PLPP3: variants seen among roughly 807,000 people sequenced by gnomAD.
PLPP3 encodes phospholipid phosphatase 3, also known as PAP2 beta.
A neutral mutation model predicts 29.6 loss-of-function variants in PLPP3; 6 were observed. That is an observed-to-expected ratio of 0.20 (90% CI 0.11 to 0.40). The LOEUF (loss-of-function observed/expected upper bound fraction) is 0.40. Ranked by LOEUF, PLPP3 falls within the 10% of genes least tolerant of loss-of-function variation. The pLI, the probability that PLPP3 is intolerant of heterozygous loss-of-function variation, is 1.00. For missense variants in PLPP3, 308 were observed against 407.7 expected, an observed-to-expected ratio of 0.76 and a Z score of 2.11; for synonymous variants, 152 against 159.7, an observed-to-expected ratio of 0.95 and a Z score of 0.36.
At position 56,555,683 on chromosome 1, in the gene PLPP3, A is replaced by AT. The variant is rs914264689; in HGVS notation, c.140-18572dup. On this transcript the variant is annotated intron_variant, in intron 1 of 5. Coordinates refer to ENST00000371250, the MANE Select transcript of PLPP3 (RefSeq NM_003713.5). Reference sequence around the variant, plus strand: ...GCCATCATGCTTGGCTAATTTCTTAATTTTTTGTAGAAACAAGGTCTTGCT... The same window carrying AT: ...GCCATCATGCTTGGCTAATTTCTTAATTTTTTTGTAGAAACAAGGTCTTGCT... Among the ~76,000 whole-genome samples the AT allele has an allele frequency of 2.0e-4, 30 of 152,110 alleles. No homozygotes were observed. The South Asian group carries it at 2.5e-3, about 13-fold the overall frequency.
chr1:56,540,562 T>C (rs1023705218), intron 1 of PLPP3, among the ~76,000 whole-genome samples: 2 of 151,716 alleles, frequency 1.3e-5, no homozygotes, highest in Non-Finnish European at 2.9e-5. Flanking sequence ...TTGGGGAGGG[T>C]TTCCGGTTCT....
At position 56,557,151 on chromosome 1, in the gene PLPP3, G is replaced by A. The variant is rs139123937; in HGVS notation, c.140-20039C>T. ...TCCCAACACTTTGGGAGGCCGAGGC[G>A]GGTGGATCATGAGGTCAAGAGATCA... On this transcript the variant is annotated intron_variant, in intron 1 of 5. Transcript: ENST00000371250. Among the ~76,000 whole-genome samples the A allele has an allele frequency of 9.7e-3, 1,460 of 150,090 alleles. 36 individuals carry two copies. Among genetic ancestry groups the A allele is most frequent in the African/African-American group, 0.033 (1,316 of 40,088 alleles).
rs142279992 is a variant in PLPP3, at chr1:56,505,304, G to T, written c.810+6672C>A. ...TCCCAACCTCATGGGATTGGAAAAG[G>T]TGGCTGAGAGGTGAAGTGACTTGCC... On this transcript the variant is annotated intron_variant, in intron 5 of 5. Coordinates refer to ENST00000371250, the MANE Select transcript of PLPP3 (RefSeq NM_003713.5). Among the ~76,000 whole-genome samples, 501 of 152,330 alleles carry T rather than the reference G, an allele frequency of 3.3e-3. 5 individuals carry two copies. Among genetic ancestry groups the T allele is most frequent in the Admixed American group, 3.1e-3 (48 of 15,304 alleles).
At chr1:56,573,536 A>C (rs1646214807) in intron 1 of PLPP3, among the ~76,000 whole-genome samples, 2 of 152,236 alleles carry the variant, frequency 1.3e-5, no homozygotes, top group Non-Finnish European at 2.9e-5. Context: ...GCCTGATAAG[A>C]ATCACCGGCA....
Position 56,495,664 on chromosome 1 carries a change from C to A in PLPP3, c.*887G>T, listed in dbSNP as rs1001022161. On this transcript the variant is annotated 3_prime_UTR_variant, in exon 6 of 6. Coordinates refer to ENST00000371250, the MANE Select transcript of PLPP3 (RefSeq NM_003713.5). ...CTGCTTTCCGTCAGCTGGTGGCAGA[C>A]CATGCCTTGCTCATTCCTGGGCCCT... The A allele has an allele frequency of 1.3e-5, 2 of 152,684 alleles. No homozygotes were observed. The highest frequency in any genetic ancestry group is 4.8e-5 in the African/African-American group (2 of 41,474). The allele number at this position is 152,684 out of a possible 1,614,324, so 9.5% of individuals were successfully genotyped here.
At chr1:56,540,367 A>G (rs1297458413) in intron 1 of PLPP3, among the ~76,000 whole-genome samples, 1 of 152,188 alleles carries the variant, frequency 6.6e-6, no homozygotes, top group Non-Finnish European at 1.5e-5. Flanking sequence ...GAAGAAAGTC[A>G]AGGCAATAGC....
At position 56,537,063 on chromosome 1, in the gene PLPP3, G is replaced by A; in HGVS notation, c.189C>T (p.His63=). Reference sequence around the variant, plus strand: ...TCTCATCATTGCAGTAAAACCCTCGGTGGTAAGGCTTGATGGTGCTTGTCT... The same window carrying A: ...TCTCATCATTGCAGTAAAACCCTCGATGGTAAGGCTTGATGGTGCTTGTCT... The part of the protein sequence containing the change: ...IIETSTIKPY[H]RGFYCNDESI... Residue 63 remains histidine, a synonymous_variant, in exon 2 of 6, where the codon CAC becomes CAT. Coordinates refer to ENST00000371250, the MANE Select transcript of PLPP3 (RefSeq NM_003713.5). The A allele has an allele frequency of 6.2e-7, 1 of 1,613,700 alleles. No homozygotes were observed. Among genetic ancestry groups the A allele is most frequent in the South Asian group, 1.1e-5 (1 of 91,056 alleles).
intron 1 of PLPP3, among the ~76,000 whole-genome samples, 156 bp from the exon 2 acceptor site, chr1:56,537,268 G>A (rs1305197137): frequency 6.6e-6 from 1 of 152,144 alleles, no homozygotes; most frequent in African/African-American, 2.4e-5. Flanking sequence ...ACTGCCTAGA[G>A]AGAGCTTTCG....
chr1:56,516,044 T>G (rs1210923231), intron 4 of PLPP3, among the ~76,000 whole-genome samples: 1 of 152,146 alleles, frequency 6.6e-6, no homozygotes, highest in Non-Finnish European at 1.5e-5. Flanking sequence ...TGTGGCAATT[T>G]CACCAAAACA....
rs1243365289 is a variant in PLPP3, at chr1:56,495,694, G to A, written c.*857C>T. 6.6e-6 allele frequency: 1 copy of A among 152,652 alleles called. No individual in the cohort carries two copies. The highest frequency in any genetic ancestry group is 1.5e-5 in the Non-Finnish European group (1 of 68,056). The allele number at this position is 152,652 out of a possible 1,614,324, so 9.5% of individuals were successfully genotyped here. ...CCTTGCTCATTCCTGGGCCCTCACA[G>A]GAAATCCTGGTGGGCACGCAGCAAG... On this transcript the variant is annotated 3_prime_UTR_variant, in exon 6 of 6. Coordinates refer to ENST00000371250, the MANE Select transcript of PLPP3 (RefSeq NM_003713.5).
chr1:56,522,953 AGCTGGAGGCAAGCAGG>A lies in PLPP3; in HGVS notation c.633+854_633+869del, dbSNP rs545744366. Among the ~76,000 whole-genome samples, 23 of 152,316 alleles carry A rather than the reference AGCTGGAGGCAAGCAGG, an allele frequency of 1.5e-4. No individual in the cohort carries two copies. The South Asian group carries it at 4.8e-3, about 32-fold the overall frequency. ...CAGACCAGCCCTCTGTCTGTCCAGC[AGCTGGAGGCAAGCAGG>A]GCACTTCACCTGCATTACCCAACCG... On this transcript the variant is annotated intron_variant, in intron 4 of 5. Coordinates refer to ENST00000371250, the MANE Select transcript of PLPP3 (RefSeq NM_003713.5).
rs973645141 is a variant in PLPP3, at chr1:56,496,023, C to T, written c.*528G>A. ...GGAATCTAGATTCGGGATCTGATCA[C>T]TTGACTGAGCAAACTTGCTCTTTCC... On this transcript the variant is annotated 3_prime_UTR_variant, in exon 6 of 6. Transcript: ENST00000371250. The T allele has an allele frequency of 6.5e-6, 1 of 153,588 alleles. No individual in the cohort carries two copies. Among genetic ancestry groups the T allele is most frequent in the Non-Finnish European group, 1.5e-5 (1 of 68,736 alleles). The allele number at this position is 153,588 out of a possible 1,614,324, so 9.5% of individuals were successfully genotyped here.
At chr1:56,553,870 C>T (rs1051681849) in intron 1 of PLPP3, among the ~76,000 whole-genome samples, 5 of 152,052 alleles carry the variant, frequency 3.3e-5, no homozygotes, top group South Asian at 2.1e-4. Flanking sequence ...ACCGAGTGTG[C>T]GAAGAAGGTT....
intron 4 of PLPP3, among the ~76,000 whole-genome samples, chr1:56,514,053 AATAC>A (rs948938649): frequency 6.6e-6 from 1 of 152,038 alleles, no homozygotes; most frequent in African/African-American, 2.4e-5. Context: ...TAAATAAATA[AATAC>A]GTTAAATTAA....
At chr1:56,496,818 A>G (rs879310725) in intron 5 of PLPP3, 142 bp from the exon 6 acceptor site, 9 of 803,518 alleles carry the variant, frequency 1.1e-5, no homozygotes, top group Middle Eastern at 3.8e-4. Context: ...GACAACAGAG[A>G]TCATATCATC....
At chr1:56,548,798 C>G (rs1344738655) in intron 1 of PLPP3, among the ~76,000 whole-genome samples, 2 of 152,044 alleles carry the variant, frequency 1.3e-5, no homozygotes, top group African/African-American at 4.8e-5. Flanking sequence ...TACCTATTTA[C>G]TGACTAATCC....
chr1:56,528,798 T>A (rs1444695444), intron 2 of PLPP3, among the ~76,000 whole-genome samples: 1 of 149,810 alleles, frequency 6.7e-6, no homozygotes, highest in East Asian at 2.0e-4. Context: ...GACCAGAAAA[T>A]GTATGTATGG....
intron 5 of PLPP3, among the ~76,000 whole-genome samples, chr1:56,505,292 G>T (rs1645694640): frequency 6.6e-6 from 1 of 152,180 alleles, no homozygotes; most frequent in African/African-American, 2.4e-5. Context: ...CAACCTCATG[G>T]GATTGGAAAA....
chr1:56,504,978 T>C (rs1390362700), intron 5 of PLPP3, among the ~76,000 whole-genome samples: 2 of 152,182 alleles, frequency 1.3e-5, no homozygotes, highest in African/African-American at 4.8e-5. Context: ...TAATAGAAAA[T>C]ATCAGAATTT....
Sources: allele counts gnomAD v4.1 joint callset (sites outside exome capture counted in the v4.1 genomes callset), GRCh38; gene constraint gnomAD v4.1.1; transcripts MANE v1.5; gene names NCBI Gene and HGNC (gene_info 2026-07-23, HGNC 2026-07-21).